The following NGEF variants were observed in gnomAD, a reference collection of about 807,000 sequenced individuals.
NGEF encodes the protein ephexin-1.
In NGEF, 31 loss-of-function variants were observed where a neutral mutation model predicts 80.9. The observed-to-expected ratio is 0.38, with a 90% CI of 0.29 to 0.52. NGEF has a LOEUF of 0.52. Among genes scored for constraint, NGEF ranks in the 20% least tolerant of loss-of-function variants. The probability of loss-of-function intolerance (pLI) is 0.84; values close to 1 mark genes in which losing one functional copy is unlikely to be tolerated. For missense variants in NGEF, 709 were observed against 926.2 expected (o/e 0.77, Z 3.04); for synonymous variants, 371 against 370.2 (o/e 1.00, Z -0.03).
At position 232,925,162 on chromosome 2, in the gene NGEF, G is replaced by T. The variant is rs1240610878; in HGVS notation, c.526+1882C>A. ...AATTACCTCCAAGTGGAACTGGCAG[G>T]CTCCACTTGGAGCCTTCATCCTGCT... is the stretch of plus-strand genomic sequence containing the variant. On this transcript the variant is annotated intron_variant, in intron 4 of 14. Coordinates refer to ENST00000264051, the MANE Select transcript of NGEF (RefSeq NM_019850.3). Among the ~76,000 whole-genome samples, 4 of 152,156 alleles carry T rather than the reference G, an allele frequency of 2.6e-5. No individual in the cohort carries two copies. In the East Asian group the frequency reaches 5.8e-4, roughly 22 times the overall value.
chr2:232,895,015 AGTTG>A, intron 5 of NGEF, 99 bp from the exon 6 acceptor site: 3 of 1,371,798 alleles, frequency 2.2e-6, no homozygotes, highest in Admixed American at 2.1e-5. Flanking sequence ...CTCAGCAGGG[AGTTG>A]AAAGGGAAAA....
chr2:232,939,887 CT>C (rs1271861176), intron 3 of NGEF, among the ~76,000 whole-genome samples: 1 of 151,950 alleles, frequency 6.6e-6, no homozygotes, highest in African/African-American at 2.4e-5. Context: ...CTCCCAGTTA[CT>C]CGGGAGGCTG....
intron 1 of NGEF, among the ~76,000 whole-genome samples, chr2:232,987,490 G>A (rs1402377241): frequency 6.6e-6 from 1 of 152,144 alleles, no homozygotes; most frequent in African/African-American, 2.4e-5. Context: ...GGCCCTCTGG[G>A]GGTGCTGTAG....
At position 232,970,152 on chromosome 2, in the gene NGEF, C is replaced by T. The variant is rs1431386425; in HGVS notation, c.383+62G>A. On this transcript the variant is annotated intron_variant, in intron 3 of 14. Coordinates refer to ENST00000264051, the MANE Select transcript of NGEF (RefSeq NM_019850.3). ...CCCTCGTAACCCTGTCAAGTCTTTGCAGCAATGACCTCTGATGCATCTTTC... is the reference window on the plus strand; with the variant it reads ...CCCTCGTAACCCTGTCAAGTCTTTGTAGCAATGACCTCTGATGCATCTTTC... 5.3e-5 allele frequency: 49 copies of T among 917,338 alleles called. No individual in the cohort carries two copies. The East Asian group carries it at 1.4e-3, about 27-fold the overall frequency. 56.8% of individuals were successfully genotyped at this position (917,338 alleles called of 1,614,324 possible).
chr2:232,897,592 C>CACTCTAAAATAAGG (rs1692140726), intron 5 of NGEF, among the ~76,000 whole-genome samples: 1 of 152,138 alleles, frequency 6.6e-6, no homozygotes, highest in African/African-American at 2.4e-5. Flanking sequence ...AAATAAGGGA[C>CACTCTAAAATAAGG]GAATCTGGAA....
intron 3 of NGEF, 25 bp from the exon 4 acceptor site, chr2:232,927,211 G>A (rs764392257): frequency 6.5e-7 from 1 of 1,536,296 alleles, no homozygotes; most frequent in South Asian, 1.3e-5. Context: ...GGAGGACAGG[G>A]GCTGGTTATT....
At chr2:232,942,367 G>A (rs1320766806) in intron 3 of NGEF, among the ~76,000 whole-genome samples, 1 of 152,186 alleles carries the variant, frequency 6.6e-6, no homozygotes, top group African/African-American at 2.4e-5. Context: ...CACCTTTGAG[G>A]CTTTCTACGT....
chr2:232,999,321 G>A (rs1283005207), intron 1 of NGEF, among the ~76,000 whole-genome samples: 1 of 152,078 alleles, frequency 6.6e-6, no homozygotes, highest in Non-Finnish European at 1.5e-5. Flanking sequence ...TATAAAAATT[G>A]GATATAGAGT....
intron 1 of NGEF, among the ~76,000 whole-genome samples, chr2:233,010,782 C>T (rs1172673571): frequency 1.3e-5 from 2 of 152,132 alleles, no homozygotes; most frequent in African/African-American, 4.8e-5. Flanking sequence ...GGCTGCCAAA[C>T]AAAGGGAGGA....
chr2:232,974,547 T>C (rs1422988665), intron 2 of NGEF, 76 bp downstream of exon 2: 27 of 1,492,870 alleles, frequency 1.8e-5, no homozygotes, highest in Non-Finnish European at 2.2e-5. Flanking sequence ...CTTTCTCATT[T>C]AATGAGGACC....
At chr2:232,907,121 A>G (rs956900501) in intron 5 of NGEF, among the ~76,000 whole-genome samples, 1 of 149,970 alleles carries the variant, frequency 6.7e-6, no homozygotes, top group Non-Finnish European at 1.5e-5. Context: ...TGACCCTGCC[A>G]AATCCCCCTC....
chr2:232,927,934 T>C, intron 3 of NGEF: 1 of 1,343,398 alleles, frequency 7.4e-7, no homozygotes, highest in Non-Finnish European at 9.6e-7. Flanking sequence ...GCGCGTCGCT[T>C]TCCGAGGTGG....
At chr2:232,882,616 T>C (rs1237158489) in intron 12 of NGEF, among the ~76,000 whole-genome samples, 1 of 152,194 alleles carries the variant, frequency 6.6e-6, no homozygotes, top group Non-Finnish European at 1.5e-5. Flanking sequence ...CAGTTTCTCA[T>C]CCCGACAGGT....
intron 3 of NGEF, among the ~76,000 whole-genome samples, chr2:232,963,888 A>G (rs1374664626): frequency 6.6e-6 from 1 of 152,202 alleles, no homozygotes; most frequent in Admixed American, 6.5e-5. Flanking sequence ...ACTTGTGTTC[A>G]AGATATATAG....
At chr2:232,987,488 G>C (rs1458804914) in intron 1 of NGEF, among the ~76,000 whole-genome samples, 2 of 152,124 alleles carry the variant, frequency 1.3e-5, no homozygotes, top group Non-Finnish European at 2.9e-5. Context: ...TTGGCCCTCT[G>C]GGGGTGCTGT....
chr2:232,952,692 G>A (rs565575895), intron 3 of NGEF, among the ~76,000 whole-genome samples: 113 of 152,220 alleles, frequency 7.4e-4, no homozygotes, highest in African/African-American at 2.3e-3. Context: ...AGTGAGCCGG[G>A]CGCAGTGACT....
At chr2:233,010,475 A>G (rs1376822965) in intron 1 of NGEF, among the ~76,000 whole-genome samples, 1 of 152,192 alleles carries the variant, frequency 6.6e-6, no homozygotes, top group Non-Finnish European at 1.5e-5. Context: ...GTGATGGAAG[A>G]TTGTTGAATG....
In NGEF at chr2:232,919,620, T is replaced by C. The variant is rs557275992; in HGVS notation, c.828+664A>G. 5.9e-5 allele frequency among the ~76,000 whole-genome samples: 9 copies of C among 152,314 alleles called. No homozygotes were observed. The South Asian group carries it at 1.9e-3, about 32-fold the overall frequency. Reference sequence around the variant, plus strand: ...TGTTCCACTAAAACAAACACTTAAATTTCTTATTCATTTGTTACTGGTTTT... The same window carrying C: ...TGTTCCACTAAAACAAACACTTAAACTTCTTATTCATTTGTTACTGGTTTT... On this transcript the variant is annotated intron_variant, in intron 5 of 14. Coordinates refer to ENST00000264051, the MANE Select transcript of NGEF (RefSeq NM_019850.3).
At chr2:232,898,885 A>T (rs985553516) in intron 5 of NGEF, among the ~76,000 whole-genome samples, 2 of 152,168 alleles carry the variant, frequency 1.3e-5, no homozygotes, top group African/African-American at 2.4e-5. Flanking sequence ...AGCATTAAGG[A>T]ATGAGAGTGC....
Sources: gnomAD v4.1 joint callset for allele counts (sites outside exome capture counted in the v4.1 genomes callset) on GRCh38, gnomAD v4.1.1 for gene constraint, MANE v1.5 for transcripts, NCBI Gene and HGNC (gene_info 2026-07-23, HGNC 2026-07-21) for gene names.